TAFA1: variants seen among roughly 807,000 people sequenced by gnomAD.
The protein encoded by TAFA1 is chemokine-like protein TAFA-1.
TAFA1 carries 4 observed loss-of-function variants against 18.5 expected under a neutral mutation model. The ratio of observed to expected loss-of-function variants is 0.22; its 90% CI spans 0.11 to 0.49. TAFA1 has a LOEUF of 0.49. TAFA1 is among the 20% of genes least tolerant of loss of function. The pLI, the probability that TAFA1 is intolerant of heterozygous loss-of-function variation, is 0.98. For missense variants in TAFA1, 147 were observed against 169.0 expected (o/e 0.87, Z 0.72); for synonymous variants, 56 against 55.2 (o/e 1.01, Z -0.06).
chr3:68,523,767 T>C (rs772957298), intron 3 of TAFA1, among the ~76,000 whole-genome samples: 3 of 152,356 alleles, frequency 2.0e-5, no homozygotes, highest in Non-Finnish European at 4.4e-5. Context: ...TTTCTTTGCA[T>C]GTACTCTTGC....
In TAFA1 at chr3:68,472,297, C is replaced by T. The variant is rs1016465227; in HGVS notation, c.259+54877C>T. On this transcript the variant is annotated intron_variant, in intron 3 of 4. Coordinates refer to ENST00000478136, the MANE Select transcript of TAFA1 (RefSeq NM_213609.4). ...CCATACAAACTCTCTTGCCTGCCAC[C>T]ATGTAAGAAGTCACTTTGCTCCCCA... Among the ~76,000 whole-genome samples the T allele has an allele frequency of 2.0e-4, 30 of 152,198 alleles. 1 individual carries two copies. In the East Asian group the frequency reaches 2.3e-3, roughly 12 times the overall value.
chr3:68,200,040 A>G (rs1470778149), intron 2 of TAFA1, among the ~76,000 whole-genome samples: 1 of 151,566 alleles, frequency 6.6e-6, no homozygotes, highest in African/African-American at 2.4e-5. Flanking sequence ...CTAAGTGTTT[A>G]ATCATAAATG....
At chr3:68,255,997 T>G (rs1317193404) in intron 2 of TAFA1, among the ~76,000 whole-genome samples, 1 of 152,154 alleles carries the variant, frequency 6.6e-6, no homozygotes. Context: ...TTCAGAATAC[T>G]AACTCTGCTA....
chr3:68,138,550 G>A (rs1419738766), intron 2 of TAFA1, among the ~76,000 whole-genome samples: 4 of 152,174 alleles, frequency 2.6e-5, no homozygotes, highest in Admixed American at 2.6e-4. Flanking sequence ...TTATGTAAAA[G>A]GTGGTGGAGC....
At chr3:68,298,980 A>G (rs2068257942) in intron 2 of TAFA1, among the ~76,000 whole-genome samples, 2 of 152,234 alleles carry the variant, frequency 1.3e-5, no homozygotes, top group African/African-American at 2.4e-5. Flanking sequence ...AGGTTGGAAC[A>G]GTTTGGAGGG....
intron 2 of TAFA1, among the ~76,000 whole-genome samples, chr3:68,394,533 A>G (rs1362245293): frequency 6.6e-6 from 1 of 152,214 alleles, no homozygotes; most frequent in African/African-American, 2.4e-5. Context: ...TGGAGGCATC[A>G]TGCTACCTGA....
At chr3:68,352,348 C>T (rs2069285417) in intron 2 of TAFA1, among the ~76,000 whole-genome samples, 1 of 151,922 alleles carries the variant, frequency 6.6e-6, no homozygotes, top group Non-Finnish European at 1.5e-5. Context: ...AAGGCAATGG[C>T]TTAGAACTCT....
At chr3:68,448,366 A>G (rs1559674327) in intron 3 of TAFA1, among the ~76,000 whole-genome samples, 1 of 152,230 alleles carries the variant, frequency 6.6e-6, no homozygotes, top group African/African-American at 2.4e-5. Flanking sequence ...TTATTAATAC[A>G]GTAAATAACA....
chr3:68,357,334 C>G lies in TAFA1; in HGVS notation c.119-59946C>G, dbSNP rs2069385371. 2.0e-5 allele frequency among the ~76,000 whole-genome samples: 3 copies of G among 151,490 alleles called. 1 individual carries two copies. In the South Asian group the frequency reaches 6.2e-4, roughly 31 times the overall value. On this transcript the variant is annotated intron_variant, in intron 2 of 4. Transcript: ENST00000478136. ...TGTATATATTTGTTATCACTTTAAC[C>G]ATTGATGGATGCCTGCAGTTAAGGT... is the stretch of plus-strand genomic sequence containing the variant.
intron 3 of TAFA1, among the ~76,000 whole-genome samples, chr3:68,524,178 A>G (rs1355524): frequency 1 from 151,915 of 152,260 alleles, 75,788 homozygotes; most frequent in Middle Eastern, 1. Context: ...CTGATGATTG[A>G]CAGGTTGATG....
chr3:68,492,923 A>G (rs1352346167), intron 3 of TAFA1, among the ~76,000 whole-genome samples: 1 of 152,212 alleles, frequency 6.6e-6, no homozygotes, highest in Non-Finnish European at 1.5e-5. Context: ...TCTTGGCTCC[A>G]TCCAAGATGT....
chr3:68,029,900 G>A (rs1260200231), intron 2 of TAFA1, among the ~76,000 whole-genome samples: 1 of 152,124 alleles, frequency 6.6e-6, no homozygotes, highest in Non-Finnish European at 1.5e-5. Flanking sequence ...TCAGAAATTG[G>A]TATGGGACGA....
At chr3:68,248,995 A>C (rs1447455594) in intron 2 of TAFA1, among the ~76,000 whole-genome samples, 1 of 151,938 alleles carries the variant, frequency 6.6e-6, no homozygotes, top group East Asian at 1.9e-4. Flanking sequence ...CACGGTATGA[A>C]AGCCCCTAAT....
chr3:68,251,377 T>C (rs2067192788), intron 2 of TAFA1, among the ~76,000 whole-genome samples: 1 of 152,248 alleles, frequency 6.6e-6, no homozygotes, highest in South Asian at 2.1e-4. Flanking sequence ...TCTCATTTTA[T>C]CTACATGCCA....
At position 68,305,235 on chromosome 3, in the gene TAFA1, T is replaced by TC. The variant is rs200325090; in HGVS notation, c.119-112040dup. 7.4e-3 allele frequency among the ~76,000 whole-genome samples: 1,112 copies of TC among 151,062 alleles called. 47 individuals are homozygous for TC. In the East Asian group the frequency reaches 0.13, roughly 17 times the overall value. On this transcript the variant is annotated intron_variant, in intron 2 of 4. Transcript: ENST00000478136. ...TGGTGTTTTTCCCATATGTTTTTTT[T>TC]CCCCCGATGTTTTCTTGTTACATAG...
intron 2 of TAFA1, among the ~76,000 whole-genome samples, chr3:68,209,711 TACA>T (rs796598697): frequency 3.3e-5 from 5 of 152,224 alleles, no homozygotes; most frequent in African/African-American, 1.2e-4. Flanking sequence ...CAACAAATAC[TACA>T]ACATTACTAA....
At chr3:68,333,913 A>G (rs561828508) in intron 2 of TAFA1, among the ~76,000 whole-genome samples, 2 of 152,246 alleles carry the variant, frequency 1.3e-5, no homozygotes, top group African/African-American at 4.8e-5. Context: ...AGCAAGACAA[A>G]TATTGTGTGA....
At chr3:68,058,748 C>T (rs746885360) in intron 2 of TAFA1, among the ~76,000 whole-genome samples, 1 of 152,124 alleles carries the variant, frequency 6.6e-6, no homozygotes, top group Non-Finnish European at 1.5e-5. Context: ...TATACTGATA[C>T]CTGTTTTCAG....
intron 2 of TAFA1, among the ~76,000 whole-genome samples, chr3:68,307,547 G>A (rs1403502371): frequency 6.6e-6 from 1 of 152,072 alleles, no homozygotes; most frequent in Non-Finnish European, 1.5e-5. Flanking sequence ...CAAACTTACT[G>A]TATATATGGC....
Sources: gnomAD v4.1 joint callset for allele counts (sites outside exome capture counted in the v4.1 genomes callset) on GRCh38, gnomAD v4.1.1 for gene constraint, MANE v1.5 for transcripts, NCBI Gene and HGNC (gene_info 2026-07-23, HGNC 2026-07-21) for gene names.